The following MIA2 variants were observed in gnomAD, a reference collection of about 807,000 sequenced individuals.
MIA2 encodes the protein MIA SH3 domain ER export factor 2, also known as melanoma inhibitory activity protein 2.
A neutral mutation model predicts 167.8 loss-of-function variants in MIA2; 127 were observed. That is an observed-to-expected ratio of 0.76 (90% confidence interval 0.66 to 0.88). The LOEUF is 0.88. Ranked by LOEUF, MIA2 falls within the 40% of genes least tolerant of loss-of-function variation. The pLI is 0.00. For missense variants in MIA2, 1,690 were observed against 1,624.7 expected (o/e 1.04, Z -0.69); for synonymous variants, 552 against 541.9 (o/e 1.02, Z -0.26).
intron 6 of MIA2, chr14:39,267,246 G>A: frequency 3.6e-6 from 5 of 1,406,416 alleles, no homozygotes; most frequent in Non-Finnish European, 4.6e-6. Flanking sequence ...GGGATGTAAA[G>A]TATAACAAGA....
chr14:39,269,346 C>T (rs1286023107), intron 6 of MIA2, among the ~76,000 whole-genome samples: 1 of 151,592 alleles, frequency 6.6e-6, no homozygotes. Flanking sequence ...GTCTTAATTC[C>T]CACCCCTCAT....
chr14:39,288,474 T>TTTGTTTTG (rs2060226540), intron 9 of MIA2, among the ~76,000 whole-genome samples: 1 of 56,528 alleles, frequency 1.8e-5, no homozygotes, highest in Non-Finnish European at 3.2e-5. Context: ...TATATATATA[T>TTTGTTTTG]ATTTTTTTTT....
intron 23 of MIA2, among the ~76,000 whole-genome samples, chr14:39,359,264 C>T (rs1208723813): frequency 4.6e-5 from 7 of 152,208 alleles, no homozygotes; most frequent in Admixed American, 4.6e-4. Flanking sequence ...GGCACCCCTC[C>T]CCCAGCCTTG....
chr14:39,305,306 C>T (rs1056799072), intron 17 of MIA2, among the ~76,000 whole-genome samples: 7 of 152,136 alleles, frequency 4.6e-5, no homozygotes, highest in Non-Finnish European at 8.8e-5. Flanking sequence ...GGGAGATATA[C>T]AGAAGGAAAA....
chr14:39,323,778 A>C (rs1337230485), intron 24 of MIA2, among the ~76,000 whole-genome samples: 1 of 152,220 alleles, frequency 6.6e-6, no homozygotes, highest in Non-Finnish European at 1.5e-5. Context: ...GATTGCTTGT[A>C]GTCAATTGAA....
At chr14:39,334,401 G>A (rs995164983) in intron 25 of MIA2, among the ~76,000 whole-genome samples, 4 of 150,786 alleles carry the variant, frequency 2.7e-5, no homozygotes, top group African/African-American at 9.8e-5. Flanking sequence ...CTTGAACCTG[G>A]GAGACAGAGG....
chr14:39,348,020 CG>C (rs2073774063), intron 27 of MIA2, among the ~76,000 whole-genome samples: 1 of 151,882 alleles, frequency 6.6e-6, no homozygotes, highest in Admixed American at 6.6e-5. Context: ...ACCCTGTTGG[CG>C]AGGCTGGTCT....
chr14:39,339,821 A>T (rs1205834002), intron 25 of MIA2, among the ~76,000 whole-genome samples: 1 of 152,124 alleles, frequency 6.6e-6, no homozygotes, highest in Non-Finnish European at 1.5e-5. Flanking sequence ...GAATTTTGTC[A>T]GTTAAAATTT....
At chr14:39,235,369 G>A (rs990283467) in intron 1 of MIA2, among the ~76,000 whole-genome samples, 1 of 152,116 alleles carries the variant, frequency 6.6e-6, no homozygotes, top group Non-Finnish European at 1.5e-5. Context: ...AATGAAAAAT[G>A]TTATTAGTAT....
At chr14:39,337,245 T>C (rs1378617480) in intron 25 of MIA2, among the ~76,000 whole-genome samples, 1 of 152,122 alleles carries the variant, frequency 6.6e-6, no homozygotes, top group Non-Finnish European at 1.5e-5. Context: ...ATATAGCAAA[T>C]GTTAAATGTG....
chr14:39,355,826 G>T (rs554830111), downstream of MIA2, among the ~76,000 whole-genome samples: 2 of 152,150 alleles, frequency 1.3e-5, no homozygotes, highest in South Asian at 4.2e-4. Flanking sequence ...GGTTTTTGTC[G>T]TTGGTTCTGT....
At chr14:39,346,617 T>C (rs2073308427) in intron 26 of MIA2, among the ~76,000 whole-genome samples, 1 of 150,280 alleles carries the variant, frequency 6.7e-6, no homozygotes, top group Admixed American at 6.6e-5. Flanking sequence ...AAGATTTAAA[T>C]GTATTGGTAA....
chr14:39,241,978 G>A lies in MIA2; in HGVS notation c.336+1331G>A, dbSNP rs886871315. Among the ~76,000 whole-genome samples, 4 of 152,078 alleles carry A rather than the reference G, an allele frequency of 2.6e-5. No homozygotes were observed. In the East Asian group the frequency reaches 7.7e-4, roughly 29 times the overall value. On this transcript the variant is annotated intron_variant, in intron 3 of 28. Transcript: ENST00000640607. ...CCCAAACAGGCTATTTCTTCTGGTT[G>A]GAATGCTTTCCCCAAATACTTCACT...
chr14:39,273,316 A>G (rs566151205), intron 6 of MIA2, among the ~76,000 whole-genome samples: 1 of 145,844 alleles, frequency 6.9e-6, no homozygotes, highest in South Asian at 2.3e-4. Flanking sequence ...AGGTTGAGGA[A>G]ATTCCCTCAA....
At chr14:39,334,737 T>C (rs1045677729) in intron 25 of MIA2, among the ~76,000 whole-genome samples, 3 of 151,986 alleles carry the variant, frequency 2.0e-5, no homozygotes, top group Non-Finnish European at 4.4e-5. Flanking sequence ...CCAGCTAATA[T>C]TTGTATTTTT....
intron 20 of MIA2, chr14:39,315,120 TAA>T (rs558848153): frequency 3.2e-4 from 34 of 105,862 alleles, no homozygotes; most frequent in South Asian, 9.0e-4. Context: ...CTGTCTCTAC[TAA>T]AAAAAAAAAA....
chr14:39,254,832 A>C (rs1252755531), intron 6 of MIA2, among the ~76,000 whole-genome samples: 1 of 152,214 alleles, frequency 6.6e-6, no homozygotes, highest in Non-Finnish European at 1.5e-5. Context: ...CTCTGGTCTA[A>C]CATCCGATGG....
intron 9 of MIA2, among the ~76,000 whole-genome samples, chr14:39,285,866 C>T (rs189327080): frequency 1.7e-4 from 25 of 147,796 alleles, no homozygotes; most frequent in Non-Finnish European, 3.0e-4. Flanking sequence ...GGCAGAGGTG[C>T]TCCCCACATC....
chr14:39,268,920 G>T (rs1055115738), intron 6 of MIA2: 1 of 782,326 alleles, frequency 1.3e-6, no homozygotes, highest in African/African-American at 1.9e-5. Context: ...AGAAAGAGAA[G>T]CATATTTCCC....
Sources: allele counts gnomAD v4.1 joint callset (sites outside exome capture counted in the v4.1 genomes callset), GRCh38; gene constraint gnomAD v4.1.1; transcripts MANE v1.5; gene names NCBI Gene and HGNC (gene_info 2026-07-23, HGNC 2026-07-21).